Variants in CREBRF observed in about 807,000 individuals in gnomAD.
CREBRF encodes UPF0474 protein C5orf41.
Under a neutral mutation model 66.1 loss-of-function variants are expected in CREBRF, and 5 were observed. The ratio of observed to expected loss-of-function variants is 0.08; its 90% CI spans 0.04 to 0.16. The LOEUF (loss-of-function observed/expected upper bound fraction) is 0.16, where lower values mean the gene tolerates loss of function less well. CREBRF is among the 10% of genes least tolerant of loss of function. The pLI is 1.00. For missense variants in CREBRF, 531 were observed against 744.9 expected (o/e 0.71, Z 3.34); for synonymous variants, 229 against 264.4 (o/e 0.87, Z 1.30).
chr5:173,138,297 A>C lies in CREBRF; in HGVS notation c.*4552A>C, dbSNP rs566539792. 6.6e-6 allele frequency: 1 copy of C among 152,326 alleles called. No individual in the cohort carries two copies. The highest frequency in any genetic ancestry group is 2.1e-4 in the South Asian group (1 of 4,828). The allele number at this position is 152,326 out of a possible 1,614,324, so 9.4% of individuals were successfully genotyped here. A position where few individuals can be genotyped will look rare whatever the true frequency, so the allele number is the denominator to read the frequency against. ...ACTGTAGGAATGGTGGTTTCGTTTT[A>C]AGGAATAAGCATGTTGGGGAAAGAT... On this transcript the variant is annotated 3_prime_UTR_variant, in exon 9 of 9. Transcript: ENST00000296953.
At chr5:173,100,715 C>T (rs377504601) in intron 4 of CREBRF, among the ~76,000 whole-genome samples, 6 of 152,196 alleles carry the variant, frequency 3.9e-5, no homozygotes, top group Admixed American at 1.3e-4. Flanking sequence ...TGAGCCACAC[C>T]GCTCCCCCCC....
intron 1 of CREBRF, among the ~76,000 whole-genome samples, chr5:173,077,271 AC>A (rs1407491721): frequency 2.0e-5 from 3 of 152,136 alleles, no homozygotes; most frequent in Admixed American, 2.0e-4. Context: ...TACCTAAAAA[AC>A]GTAAAAAAAA....
chr5:173,116,535 C>T (rs1305105283), intron 7 of CREBRF, among the ~76,000 whole-genome samples: 3 of 152,118 alleles, frequency 2.0e-5, no homozygotes, highest in Non-Finnish European at 4.4e-5. Context: ...TTAAAAATTC[C>T]TCCATGTTGT....
chr5:173,114,925 A>G (rs1263296432), intron 7 of CREBRF, among the ~76,000 whole-genome samples: 4 of 152,174 alleles, frequency 2.6e-5, no homozygotes, highest in East Asian at 1.9e-4. Context: ...GAATGTTTGG[A>G]CTCAATTTCT....
intron 7 of CREBRF, among the ~76,000 whole-genome samples, chr5:173,119,871 C>T (rs1302176161): frequency 6.6e-6 from 1 of 152,056 alleles, no homozygotes; most frequent in East Asian, 1.9e-4. Flanking sequence ...CTCTTTTATT[C>T]TGTTAATACA....
intron 4 of CREBRF, among the ~76,000 whole-genome samples, chr5:173,100,724 C>G (rs543688998): frequency 5.2e-4 from 79 of 152,332 alleles, no homozygotes; most frequent in Admixed American, 9.2e-4. Flanking sequence ...CCGCTCCCCC[C>G]CAACCCATAT....
intron 1 of CREBRF, among the ~76,000 whole-genome samples, chr5:173,069,723 G>A (rs1052368299): frequency 2.6e-5 from 4 of 152,102 alleles, no homozygotes; most frequent in Admixed American, 2.6e-4. Flanking sequence ...GTGGCACCGA[G>A]CTTTTCTCAG....
At chr5:173,108,309 C>T (rs1758794956) in intron 4 of CREBRF, among the ~76,000 whole-genome samples, 1 of 151,996 alleles carries the variant, frequency 6.6e-6, no homozygotes, top group Non-Finnish European at 1.5e-5. Context: ...CTATAGCTGT[C>T]CTGTAATTGT....
At chr5:173,089,934 C>G (rs1758278651) in intron 3 of CREBRF, among the ~76,000 whole-genome samples, 1 of 151,992 alleles carries the variant, frequency 6.6e-6, no homozygotes. Context: ...GTTGAAGTGT[C>G]TCCCCCTGCC....
At chr5:173,133,577 C>G (rs888203898) in intron 8 of CREBRF, 53 bp from the exon 9 acceptor site, 4 of 1,060,006 alleles carry the variant, frequency 3.8e-6, no homozygotes, top group Non-Finnish European at 4.3e-6. Context: ...CTTCCCTTCC[C>G]TTCATGGCCT....
At chr5:173,096,216 G>A (rs1013437022) in intron 4 of CREBRF, among the ~76,000 whole-genome samples, 8 of 152,042 alleles carry the variant, frequency 5.3e-5, no homozygotes, top group Admixed American at 1.3e-4. Flanking sequence ...TGATCCGCCC[G>A]CCTTGGCCTC....
chr5:173,120,990 G>T (rs1759127170), intron 7 of CREBRF, among the ~76,000 whole-genome samples: 2 of 152,080 alleles, frequency 1.3e-5, no homozygotes, highest in Non-Finnish European at 2.9e-5. Flanking sequence ...ACCGCGTCCG[G>T]CCTTCCTGGC....
rs1041961762 is a variant in CREBRF, at chr5:173,137,059, C to T, written c.*3314C>T. ...TATGAAAGCATGCTGTCCAGTCGCT[C>T]TTGTTAAGATCTTGTCTGAGTTTTG... is the stretch of plus-strand genomic sequence containing the variant. On this transcript the variant is annotated 3_prime_UTR_variant, in exon 9 of 9. Coordinates refer to ENST00000296953, the MANE Select transcript of CREBRF (RefSeq NM_153607.3). 1.3e-5 allele frequency: 2 copies of T among 151,878 alleles called. No individual in the cohort carries two copies. Among genetic ancestry groups the T allele is most frequent in the Admixed American group, 6.6e-5 (1 of 15,246 alleles). 9.4% of individuals were successfully genotyped at this position (151,878 alleles called of 1,614,324 possible). A position where few individuals can be genotyped will look rare whatever the true frequency, so the allele number is the denominator to read the frequency against.
chr5:173,081,109 T>C (rs1174236313), intron 2 of CREBRF, among the ~76,000 whole-genome samples: 2 of 152,178 alleles, frequency 1.3e-5, no homozygotes, highest in African/African-American at 4.8e-5. Flanking sequence ...TCCTCACTAT[T>C]CCTATTTCCC....
chr5:173,098,204 T>TTTTG (rs1352837606), intron 4 of CREBRF, among the ~76,000 whole-genome samples: 19 of 151,456 alleles, frequency 1.3e-4, no homozygotes, highest in Non-Finnish European at 2.2e-4. Flanking sequence ...TTTTTTTTTT[T>TTTTG]TGACATGGAG....
chr5:173,071,887 T>C (rs772818362), intron 1 of CREBRF, among the ~76,000 whole-genome samples: 11 of 146,810 alleles, frequency 7.5e-5, no homozygotes, highest in Non-Finnish European at 1.5e-4. Context: ...AAACCCTCTC[T>C]AAAAAAAAAA....
intron 2 of CREBRF, among the ~76,000 whole-genome samples, chr5:173,083,854 T>A (rs1165885319): frequency 6.6e-6 from 1 of 152,098 alleles, no homozygotes; most frequent in Non-Finnish European, 1.5e-5. Context: ...ATTTTTTCAA[T>A]TTTTTTTGAC....
chr5:173,069,592 G>A (rs1176623076), intron 1 of CREBRF, among the ~76,000 whole-genome samples: 3 of 152,080 alleles, frequency 2.0e-5, no homozygotes, highest in African/African-American at 2.4e-5. Flanking sequence ...AAAGTGCAGG[G>A]ATTACAGGCG....
At chr5:173,076,947 CTT>C (rs779671869) in intron 1 of CREBRF, among the ~76,000 whole-genome samples, 16 of 140,846 alleles carry the variant, frequency 1.1e-4, no homozygotes, top group Admixed American at 1.4e-4. Context: ...AATTTATTGG[CTT>C]TTTTTTTTTT....
Sources: allele counts gnomAD v4.1 joint callset (sites outside exome capture counted in the v4.1 genomes callset), GRCh38; gene constraint gnomAD v4.1.1; transcripts MANE v1.5; gene names NCBI Gene and HGNC (gene_info 2026-07-23, HGNC 2026-07-21).